Variants in PTK2B observed in about 807,000 individuals in gnomAD.
The protein encoded by PTK2B is protein tyrosine kinase 2 beta, also known as protein-tyrosine kinase 2-beta.
In PTK2B, 71 loss-of-function variants were observed where a neutral mutation model predicts 142.9. The ratio of observed to expected loss-of-function variants is 0.50; its 90% CI spans 0.41 to 0.61. The LOEUF is 0.61. Ranked by LOEUF, PTK2B falls within the 20% of genes least tolerant of loss-of-function variation. PTK2B has a pLI of 0.00. For synonymous variants in PTK2B, 519 were observed against 503.4 expected (o/e 1.03, Z -0.42); for missense variants, 1,105 against 1,320.4 (o/e 0.84, Z 2.53).
intron 12 of PTK2B, 70 bp from the exon 13 acceptor site, chr8:27,434,443 G>T: frequency 6.7e-7 from 1 of 1,501,874 alleles, no homozygotes. Context: ...GAGAGGGCGG[G>T]CCGAGGCTGC....
At chr8:27,408,785 T>C (rs1808880209) in intron 2 of PTK2B, among the ~76,000 whole-genome samples, 1 of 152,262 alleles carries the variant, frequency 6.6e-6, no homozygotes, top group Admixed American at 6.5e-5. Context: ...GAGCATTGTT[T>C]TAGCTCTAAC....
chr8:27,367,473 G>T (rs1290239876), intron 1 of PTK2B, among the ~76,000 whole-genome samples: 1 of 152,228 alleles, frequency 6.6e-6, no homozygotes, highest in African/African-American at 2.4e-5. Context: ...AAGGAGGAAG[G>T]TGACAGGCCC....
upstream of PTK2B, chr8:27,310,837 G>C (rs1463405135): frequency 1.2e-6 from 2 of 1,607,472 alleles, no homozygotes; most frequent in Middle Eastern, 1.7e-4. Flanking sequence ...CCGGCTGCAC[G>C]CGGTGCCCCT....
chr8:27,440,508 A>AT, intron 21 of PTK2B, 67 bp downstream of exon 21: 1 of 1,544,146 alleles, frequency 6.5e-7, no homozygotes, highest in Non-Finnish European at 8.9e-7. Context: ...AGACCAGCAC[A>AT]CAGAGAGGTT....
chr8:27,397,641 T>C lies in PTK2B; in HGVS notation c.57T>C (p.Pro19=), dbSNP rs749108749. 5 of 1,614,134 alleles carry C rather than the reference T, an allele frequency of 3.1e-6. No homozygotes were observed. Among genetic ancestry groups the C allele is most frequent in the Non-Finnish European group, 4.2e-6 (5 of 1,180,042 alleles). The change falls in exon 2 of 31, where the codon CCT becomes CCC. Residue 19 remains proline, a synonymous_variant. Coordinates refer to ENST00000346049, the MANE Select transcript of PTK2B (RefSeq NM_173176.3). ...SRVKLGTLRR[P]EGPAEPMVVV... ...TAAAGTTGGGCACGTTACGCCGGCC[T>C]GAAGGCCCTGCAGAGCCCATGGTGG...
intron 18 of PTK2B, among the ~76,000 whole-genome samples, chr8:27,438,388 A>T (rs1266032690): frequency 3.6e-5 from 1 of 27,798 alleles, no homozygotes; most frequent in African/African-American, 2.3e-4. Flanking sequence ...ATTCCCTGCC[A>T]TGAGAACCTG....
intron 2 of PTK2B, among the ~76,000 whole-genome samples, chr8:27,408,256 C>T (rs1433136073): frequency 6.6e-6 from 1 of 152,214 alleles, no homozygotes; most frequent in Non-Finnish European, 1.5e-5. Context: ...CATGTAAAAA[C>T]AGGCCATAAA....
chr8:27,450,841 G>A lies in PTK2B; in HGVS notation c.2433G>A (p.Gln811=). 6.2e-7 allele frequency: 1 copy of A among 1,614,218 alleles called. No homozygotes were observed. Among genetic ancestry groups the A allele is most frequent in the Non-Finnish European group, 8.5e-7 (1 of 1,180,034 alleles). The change falls in exon 25 of 31, where the codon CAG becomes CAA. Residue 811 remains glutamine (Q), a synonymous_variant. Transcript: ENST00000346049. ...KVKMRQILDK[Q]QKQMVEDYQW... is the part of the protein sequence containing the mutation. Reference sequence around the variant, plus strand: ...AAATGCGGCAAATCCTGGACAAACAGCAGAAGCAGATGGTGGAGGACTACC... The same window carrying A: ...AAATGCGGCAAATCCTGGACAAACAACAGAAGCAGATGGTGGAGGACTACC...
intron 1 of PTK2B, among the ~76,000 whole-genome samples, chr8:27,354,234 ACT>A (rs1456816239): frequency 6.6e-6 from 1 of 152,082 alleles, no homozygotes; most frequent in Non-Finnish European, 1.5e-5. Flanking sequence ...CCAAAGAATA[ACT>A]CTGATTAGTT....
chr8:27,420,876 T>C, intron 4 of PTK2B, 132 bp downstream of exon 4: 2 of 806,176 alleles, frequency 2.5e-6, no homozygotes, highest in East Asian at 5.4e-5. Flanking sequence ...AAGCTTCTCT[T>C]GAAGAAGGTC....
intron 1 of PTK2B, among the ~76,000 whole-genome samples, chr8:27,382,780 G>T (rs1001243050): frequency 6.6e-6 from 1 of 152,146 alleles, no homozygotes; most frequent in African/African-American, 2.4e-5. Flanking sequence ...TGGTTATTCA[G>T]ATTTTTCAGC....
At chr8:27,325,849 G>GC (rs1383737045) in intron 1 of PTK2B, among the ~76,000 whole-genome samples, 168 bp downstream of exon 1, 3 of 152,228 alleles carry the variant, frequency 2.0e-5, no homozygotes, top group African/African-American at 7.2e-5. Context: ...CTGTGCACAT[G>GC]CCCGGAGCTC....
intron 2 of PTK2B, among the ~76,000 whole-genome samples, chr8:27,417,114 G>T (rs4521720): frequency 0.83 from 126,165 of 152,204 alleles, 52,846 homozygotes; most frequent in Middle Eastern, 0.95. Context: ...ACAATGTATA[G>T]TCACAAAAAT....
chr8:27,338,487 A>C (rs1469045679), intron 1 of PTK2B, among the ~76,000 whole-genome samples: 2 of 152,336 alleles, frequency 1.3e-5, no homozygotes, highest in African/African-American at 4.8e-5. Flanking sequence ...AGAAATGACC[A>C]CTAAAGAACT....
At chr8:27,430,038 C>G in intron 5 of PTK2B, 55 bp from the exon 6 acceptor site, 1 of 1,534,310 alleles carries the variant, frequency 6.5e-7, no homozygotes, top group Non-Finnish European at 9.0e-7. Flanking sequence ...TGCCCTGGGT[C>G]TGACTGCCTC....
At chr8:27,433,276 G>A in intron 10 of PTK2B, 159 bp from the exon 11 acceptor site, 1 of 654,166 alleles carries the variant, frequency 1.5e-6, no homozygotes, top group Non-Finnish European at 2.7e-6. Context: ...GTGACAGAGT[G>A]CAGTCTGGAC....
intron 2 of PTK2B, among the ~76,000 whole-genome samples, chr8:27,409,942 G>A (rs540086381): frequency 1.3e-5 from 2 of 152,138 alleles, no homozygotes; most frequent in East Asian, 1.9e-4. Context: ...GGCTAGTCTC[G>A]AACTCCTGAC....
At chr8:27,336,096 G>A (rs1211337964) in intron 1 of PTK2B, among the ~76,000 whole-genome samples, 1 of 152,158 alleles carries the variant, frequency 6.6e-6, no homozygotes, top group Non-Finnish European at 1.5e-5. Flanking sequence ...AAAGAACAAT[G>A]TCAAAGTCGT....
At position 27,452,591 on chromosome 8, in the gene PTK2B, T is replaced by C. The variant is rs529951710; in HGVS notation, c.2549-523T>C. On this transcript the variant is annotated intron_variant, in intron 27 of 30. Coordinates refer to ENST00000346049, the MANE Select transcript of PTK2B (RefSeq NM_173176.3). ...AAAAAAAAAAAAGAACAAAGTGTGCTGAGTGGACTTTTATGTGTCTTTGCT... is the reference window on the plus strand; with the variant it reads ...AAAAAAAAAAAAGAACAAAGTGTGCCGAGTGGACTTTTATGTGTCTTTGCT... 4 of 151,406 alleles carry C rather than the reference T, an allele frequency of 2.6e-5. No homozygotes were observed. The East Asian group carries it at 7.7e-4, about 29-fold the overall frequency. The allele number at this position is 151,406 out of a possible 1,614,324, so 9.4% of individuals were successfully genotyped here. A position where few individuals can be genotyped will look rare whatever the true frequency, so the allele number is the denominator to read the frequency against.
Sources: gnomAD v4.1 joint callset for allele counts (sites outside exome capture counted in the v4.1 genomes callset) on GRCh38, gnomAD v4.1.1 for gene constraint, MANE v1.5 for transcripts, NCBI Gene and HGNC (gene_info 2026-07-23, HGNC 2026-07-21) for gene names.